The following TP63 variants were observed in gnomAD, a reference collection of about 807,000 sequenced individuals.
TP63 encodes the protein tumor protein 63.
In TP63, 17 loss-of-function variants were observed where a neutral mutation model predicts 82.8. That is an observed-to-expected ratio of 0.21 (90% CI 0.14 to 0.31). The LOEUF (loss-of-function observed/expected upper bound fraction) is 0.31. TP63 is among the 10% of genes least tolerant of loss of function. The probability of loss-of-function intolerance (pLI) is 1.00; values close to 1 mark genes in which losing one functional copy is unlikely to be tolerated. For synonymous variants in TP63, 330 were observed against 321.7 expected, an observed-to-expected ratio of 1.03 and a Z score of -0.28; for missense variants, 648 against 895.3, an observed-to-expected ratio of 0.72 and a Z score of 3.52.
the TP63 span, among the ~76,000 whole-genome samples, chr3:189,613,284 T>G: frequency 2.6e-5 from 4 of 152,138 alleles, no homozygotes; most frequent in Non-Finnish European, 4.4e-5. Flanking sequence ...TCCCAGCTGC[T>G]CCAGCCATGG....
At chr3:189,641,614 A>G (rs1327635264) in intron 1 of TP63, among the ~76,000 whole-genome samples, 2 of 152,304 alleles carry the variant, frequency 1.3e-5, no homozygotes, top group African/African-American at 4.8e-5. Context: ...GTTATTATGT[A>G]AGTGACTGCA....
chr3:189,672,423 A>G (rs750464741), intron 1 of TP63, among the ~76,000 whole-genome samples: 3 of 151,994 alleles, frequency 2.0e-5, no homozygotes, highest in Non-Finnish European at 4.4e-5. Context: ...CAACATAGAG[A>G]GACTTTGTCT....
At chr3:189,636,904 T>G (rs1290899094) in intron 1 of TP63, among the ~76,000 whole-genome samples, 1 of 152,196 alleles carries the variant, frequency 6.6e-6, no homozygotes, top group Non-Finnish European at 1.5e-5. Context: ...GCATCGTTTA[T>G]CATCATGTAT....
At chr3:189,823,577 T>C (rs1729021170) in intron 4 of TP63, among the ~76,000 whole-genome samples, 1 of 151,954 alleles carries the variant, frequency 6.6e-6, no homozygotes, top group South Asian at 2.1e-4. Flanking sequence ...AAGGGCTAGA[T>C]AGAAAGGTAG....
At chr3:189,598,226 T>C in the TP63 span, among the ~76,000 whole-genome samples, 7 of 146,578 alleles carry the variant, frequency 4.8e-5, no homozygotes, top group East Asian at 1.2e-3. Context: ...AGCATGCATA[T>C]AATTGGAGTA....
At chr3:189,791,581 A>G (rs1220245980) in intron 3 of TP63, among the ~76,000 whole-genome samples, 5 of 152,124 alleles carry the variant, frequency 3.3e-5, no homozygotes, top group East Asian at 3.9e-4. Context: ...TCTGTTTTCT[A>G]TTGGAATGCT....
chr3:189,830,759 C>T (rs762626383), intron 4 of TP63, among the ~76,000 whole-genome samples: 7 of 151,790 alleles, frequency 4.6e-5, no homozygotes, highest in South Asian at 2.1e-4. Flanking sequence ...TAATATGTGA[C>T]GCAAGAAAAA....
intron 4 of TP63, among the ~76,000 whole-genome samples, chr3:189,847,039 T>TA (rs1294339873): frequency 6.6e-6 from 1 of 152,122 alleles, no homozygotes; most frequent in Non-Finnish European, 1.5e-5. Context: ...CTGCGTTCTC[T>TA]AAGAGATTTG....
intron 3 of TP63, among the ~76,000 whole-genome samples, chr3:189,772,009 G>T (rs2108559028): frequency 6.6e-6 from 1 of 152,260 alleles, no homozygotes; most frequent in East Asian, 1.9e-4. Flanking sequence ...AATTGTAAGG[G>T]TTTGGAAACA....
intron 1 of TP63, among the ~76,000 whole-genome samples, chr3:189,722,569 A>G (rs145602348): frequency 2.3e-4 from 35 of 151,124 alleles, no homozygotes; most frequent in Middle Eastern, 3.4e-3. Context: ...CCTGTAAGGC[A>G]GGGCTCTGAA....
chr3:189,758,473 G>A (rs1722347853), intron 3 of TP63, among the ~76,000 whole-genome samples: 1 of 152,164 alleles, frequency 6.6e-6, no homozygotes, highest in South Asian at 2.1e-4. Context: ...GAATAATCAG[G>A]GGAGAAGGGA....
intron 10 of TP63, chr3:189,880,098 G>A: frequency 1.9e-6 from 3 of 1,613,780 alleles, no homozygotes; most frequent in Non-Finnish European, 2.5e-6. Context: ...TGAGCTTGTG[G>A]AGCCCCGGAG....
At chr3:189,624,839 A>G in the TP63 span, among the ~76,000 whole-genome samples, 1 of 152,166 alleles carries the variant, frequency 6.6e-6, no homozygotes, top group Non-Finnish European at 1.5e-5. Flanking sequence ...CCATTGTTGA[A>G]CCAACACACA....
chr3:189,660,655 T>A (rs959226999), intron 1 of TP63, among the ~76,000 whole-genome samples: 2 of 152,128 alleles, frequency 1.3e-5, no homozygotes, highest in Admixed American at 1.3e-4. Context: ...ATTTGGGCAT[T>A]ATGGCTATTA....
At chr3:189,891,277 A>C (rs1439725312) in intron 13 of TP63, among the ~76,000 whole-genome samples, 1 of 152,234 alleles carries the variant, frequency 6.6e-6, no homozygotes, top group Non-Finnish European at 1.5e-5. Flanking sequence ...TTCTCTTAAA[A>C]ACATGGAGAG....
the TP63 span, among the ~76,000 whole-genome samples, chr3:189,597,813 A>G: frequency 6.6e-6 from 1 of 152,068 alleles, no homozygotes; most frequent in Non-Finnish European, 1.5e-5. Context: ...TTGTAGTCCC[A>G]GCTACTCTGC....
intron 3 of TP63, among the ~76,000 whole-genome samples, chr3:189,739,859 C>T (rs1483321435): frequency 6.8e-6 from 1 of 148,070 alleles, no homozygotes; most frequent in East Asian, 2.0e-4. Flanking sequence ...TTCTAGAAAA[C>T]TAGTGGGGGG....
rs533103926 is a variant in TP63 at position 189,774,139 on chromosome 3, G to C, written c.325-34133G>C. 9.9e-5 allele frequency among the ~76,000 whole-genome samples: 15 copies of C among 151,864 alleles called. No homozygotes were observed. In the South Asian group the frequency reaches 3.1e-3, roughly 32 times the overall value. On this transcript the variant is annotated intron_variant, in intron 3 of 13. Coordinates refer to ENST00000264731, the MANE Select transcript of TP63 (RefSeq NM_003722.5). ...GGGTTTCACCGTGTTAGCCAGGATG[G>C]TCTCGATCTCCTGATCTCGTGATCC...
At chr3:189,682,267 A>G (rs1318900144) in intron 1 of TP63, among the ~76,000 whole-genome samples, 1 of 152,200 alleles carries the variant, frequency 6.6e-6, no homozygotes, top group East Asian at 1.9e-4. Context: ...TGACCAATGC[A>G]TATATGAAAA....
Sources: allele counts gnomAD v4.1 joint callset (sites outside exome capture counted in the v4.1 genomes callset), GRCh38; gene constraint gnomAD v4.1.1; transcripts MANE v1.5; gene names NCBI Gene and HGNC (gene_info 2026-07-23, HGNC 2026-07-21).